The following WWOX variants were observed in gnomAD, a reference collection of about 807,000 sequenced individuals.
WWOX encodes the protein WW domain containing oxidoreductase.
WWOX carries 69 observed loss-of-function variants against 46.2 expected under a neutral mutation model. The ratio of observed to expected loss-of-function variants is 1.49; its 90% CI spans 1.23 to 1.82. The LOEUF (loss-of-function observed/expected upper bound fraction) is 1.82, where lower values mean the gene tolerates loss of function less well. Ranked by LOEUF, WWOX falls within the 40% of genes most tolerant of loss-of-function variation. The probability of loss-of-function intolerance (pLI) is 0.00; values close to 1 mark genes in which losing one functional copy is unlikely to be tolerated. For missense variants in WWOX, 919 were observed against 542.6 expected (o/e 1.69, Z -6.89); for synonymous variants, 359 against 202.6 (o/e 1.77, Z -6.56).
intron 8 of WWOX, among the ~76,000 whole-genome samples, chr16:79,087,741 T>C (rs1385292140): frequency 6.6e-6 from 1 of 152,250 alleles, no homozygotes; most frequent in Non-Finnish European, 1.5e-5. Context: ...ACACTTTCTC[T>C]GGAATTTGGC....
At chr16:78,764,689 T>G (rs959261804) in intron 8 of WWOX, among the ~76,000 whole-genome samples, 2 of 150,328 alleles carry the variant, frequency 1.3e-5, no homozygotes, top group Non-Finnish European at 2.9e-5. Flanking sequence ...AGCCTCAGTT[T>G]CCTCATCTGC....
chr16:79,086,975 C>T (rs1414920073), intron 8 of WWOX, among the ~76,000 whole-genome samples: 1 of 152,184 alleles, frequency 6.6e-6, no homozygotes, highest in African/African-American at 2.4e-5. Flanking sequence ...AGCCCCGTGT[C>T]TGAATGGGAT....
intron 8 of WWOX, among the ~76,000 whole-genome samples, chr16:78,453,508 G>A (rs1444731125): frequency 6.6e-6 from 1 of 152,088 alleles, no homozygotes; most frequent in African/African-American, 2.4e-5. Flanking sequence ...GCGAATGGAC[G>A]CTTGTAGACA....
At chr16:79,171,741 C>T (rs748953787) in intron 8 of WWOX, among the ~76,000 whole-genome samples, 2 of 152,026 alleles carry the variant, frequency 1.3e-5, no homozygotes, top group Non-Finnish European at 1.5e-5. Flanking sequence ...GAAAGCACTT[C>T]GCTATGGAAA....
intron 8 of WWOX, among the ~76,000 whole-genome samples, chr16:78,508,413 C>T (rs1461386690): frequency 6.8e-6 from 1 of 147,488 alleles, no homozygotes; most frequent in African/African-American, 2.5e-5. Flanking sequence ...CCACTGTGGC[C>T]CAGGGAAGCT....
chr16:78,221,910 T>G (rs888076974), intron 5 of WWOX, among the ~76,000 whole-genome samples: 1 of 152,178 alleles, frequency 6.6e-6, no homozygotes, highest in African/African-American at 2.4e-5. Context: ...TTGGGCCCTA[T>G]TTGTCTTCCT....
chr16:78,789,873 A>G (rs994524832), intron 8 of WWOX, among the ~76,000 whole-genome samples: 1 of 152,086 alleles, frequency 6.6e-6, no homozygotes, highest in East Asian at 1.9e-4. Context: ...CATGGTTAGG[A>G]TCTTGGGCTT....
chr16:78,873,065 G>C (rs2044161394), intron 8 of WWOX: 1 of 152,210 alleles, frequency 6.6e-6, no homozygotes. Context: ...CTGAAGTACT[G>C]AGATTACGGG....
At chr16:78,152,224 G>A (rs2034440104) in intron 4 of WWOX, among the ~76,000 whole-genome samples, 1 of 151,908 alleles carries the variant, frequency 6.6e-6, no homozygotes, top group African/African-American at 2.4e-5. Context: ...ACATGGAAAT[G>A]TTTCCTTGCA....
intron 8 of WWOX, among the ~76,000 whole-genome samples, chr16:79,102,865 C>T (rs1411195974): frequency 6.6e-6 from 1 of 152,196 alleles, no homozygotes; most frequent in Non-Finnish European, 1.5e-5. Flanking sequence ...AGGTGAAGGG[C>T]AGAATGTCCT....
At chr16:79,078,229 A>C (rs34176441) in intron 8 of WWOX, 63,893 of 152,008 alleles carry the variant, frequency 0.42, 14,222 homozygotes, top group Middle Eastern at 0.51. Flanking sequence ...GTATTTTTCT[A>C]GGTCTTGCTC....
chr16:78,478,880 G>A (rs1486045841), intron 8 of WWOX, among the ~76,000 whole-genome samples: 2 of 151,964 alleles, frequency 1.3e-5, no homozygotes, highest in Admixed American at 6.6e-5. Flanking sequence ...AGCTGAATCT[G>A]TAGTATAATT....
chr16:78,316,213 T>A (rs1406345418), intron 5 of WWOX, among the ~76,000 whole-genome samples: 3 of 151,938 alleles, frequency 2.0e-5, no homozygotes, highest in Admixed American at 6.6e-5. Context: ...GCTAGTGTAC[T>A]CCAGTCTGGG....
intron 1 of WWOX, among the ~76,000 whole-genome samples, chr16:78,104,237 C>CACACAT: frequency 6.9e-6 from 1 of 144,664 alleles, no homozygotes; most frequent in Non-Finnish European, 1.5e-5. Context: ...TCAAAACACA[C>CACACAT]ACACACACAC....
intron 8 of WWOX, among the ~76,000 whole-genome samples, chr16:78,730,011 A>C (rs1442540052): frequency 6.6e-6 from 1 of 152,160 alleles, no homozygotes; most frequent in Non-Finnish European, 1.5e-5. Flanking sequence ...TCCTTGTGTT[A>C]CTTCCAGTTG....
chr16:79,088,817 A>G (rs920538065), intron 8 of WWOX, among the ~76,000 whole-genome samples: 1 of 152,180 alleles, frequency 6.6e-6, no homozygotes, highest in African/African-American at 2.4e-5. Flanking sequence ...CGTCCACCCA[A>G]CGGCAAAGTC....
At chr16:78,104,598 A>G (rs1006043652) in intron 1 of WWOX, among the ~76,000 whole-genome samples, 5 of 152,182 alleles carry the variant, frequency 3.3e-5, no homozygotes, top group African/African-American at 1.2e-4. Context: ...TTAAGTTTAG[A>G]TTACTCTTAA....
At chr16:79,054,892 G>A (rs1422612164) in intron 8 of WWOX, among the ~76,000 whole-genome samples, 1 of 152,118 alleles carries the variant, frequency 6.6e-6, no homozygotes, top group African/African-American at 2.4e-5. Flanking sequence ...TGTTATAAAA[G>A]GCAGTGTTTT....
chr16:79,076,078 A>G (rs2048650670), intron 8 of WWOX, among the ~76,000 whole-genome samples: 1 of 152,210 alleles, frequency 6.6e-6, no homozygotes, highest in Admixed American at 6.5e-5. Context: ...GTTACTTAGA[A>G]GATTTGAGCC....
Sources: allele counts gnomAD v4.1 joint callset (sites outside exome capture counted in the v4.1 genomes callset), GRCh38; gene constraint gnomAD v4.1.1; transcripts MANE v1.5; gene names NCBI Gene and HGNC (gene_info 2026-07-23, HGNC 2026-07-21).